ARMC9: variants seen among roughly 807,000 people sequenced by gnomAD.
The protein encoded by ARMC9 is armadillo repeat containing 9.
ARMC9 carries 94 observed loss-of-function variants against 107.0 expected under a neutral mutation model. The observed-to-expected ratio is 0.88, with a 90% CI of 0.74 to 1.04. The LOEUF (loss-of-function observed/expected upper bound fraction) is 1.04. ARMC9 is among the 50% of genes least tolerant of loss of function. The pLI, the probability that ARMC9 is intolerant of heterozygous loss-of-function variation, is 0.00. For missense variants in ARMC9, 942 were observed against 1,030.1 expected (o/e 0.91, Z 1.17); for synonymous variants, 380 against 396.9 (o/e 0.96, Z 0.51).
At chr2:231,317,488 A>AT (rs1407655977) in intron 19 of ARMC9, among the ~76,000 whole-genome samples, 1 of 151,296 alleles carries the variant, frequency 6.6e-6, no homozygotes, top group Non-Finnish European at 1.5e-5. Flanking sequence ...TCTTGGATCT[A>AT]TAAGTTACAG....
At chr2:231,244,098 G>GGA (rs2036545622) in intron 9 of ARMC9, among the ~76,000 whole-genome samples, 1 of 152,180 alleles carries the variant, frequency 6.6e-6, no homozygotes, top group South Asian at 2.1e-4. Flanking sequence ...ATTCTGTAAA[G>GGA]GAGCTTGGGC....
chr2:231,265,096 CA>C lies in ARMC9; in HGVS notation c.1119+2710del, dbSNP rs202052844. On this transcript the variant is annotated intron_variant, in intron 12 of 24. Transcript: ENST00000611582. ...CTGGCGACAGAGTGAGACTGCGTCT[CA>C]AAAAAAAAAAAGAAGAAGAAATGAG... 4.7e-3 allele frequency among the ~76,000 whole-genome samples: 655 copies of C among 139,998 alleles called. 6 individuals carry two copies. The highest frequency in any genetic ancestry group is 0.013 in the African/African-American group (498 of 38,664). 91.8% of individuals were successfully genotyped at this position (139,998 alleles called of 152,430 possible). A position where few individuals can be genotyped will look rare whatever the true frequency, so the allele number is the denominator to read the frequency against.
chr2:231,352,672 TA>T (rs2045143435), intron 21 of ARMC9, among the ~76,000 whole-genome samples: 1 of 138,498 alleles, frequency 7.2e-6, no homozygotes, highest in African/African-American at 3.1e-5. Flanking sequence ...GATAGATAGA[TA>T]GATAGATAGA....
chr2:231,315,833 A>G (rs1233828859), intron 19 of ARMC9, among the ~76,000 whole-genome samples: 2 of 152,100 alleles, frequency 1.3e-5, no homozygotes, highest in African/African-American at 2.4e-5. Context: ...CTTCTTTTGT[A>G]TTAAGTAATA....
chr2:231,247,516 A>T (rs1056663951), intron 9 of ARMC9, among the ~76,000 whole-genome samples: 3 of 152,156 alleles, frequency 2.0e-5, no homozygotes, highest in Non-Finnish European at 4.4e-5. Flanking sequence ...TGTCCAGGCC[A>T]TCTTCCTTGG....
intron 11 of ARMC9, 43 bp downstream of exon 11, chr2:231,259,145 G>A: frequency 6.6e-7 from 1 of 1,525,426 alleles, no homozygotes; most frequent in East Asian, 2.3e-5. Flanking sequence ...AACCAAACCA[G>A]TGCTGGTTTT....
chr2:231,357,448 G>A (rs1397268123), intron 22 of ARMC9, among the ~76,000 whole-genome samples: 2 of 152,178 alleles, frequency 1.3e-5, no homozygotes, highest in Non-Finnish European at 2.9e-5. Flanking sequence ...CCCAGGACAC[G>A]GACCCACGCA....
intron 9 of ARMC9, among the ~76,000 whole-genome samples, chr2:231,254,185 G>A (rs1330558148): frequency 6.6e-6 from 1 of 152,176 alleles, no homozygotes; most frequent in Non-Finnish European, 1.5e-5. Context: ...GAAAATGTTA[G>A]AAGAATTGAG....
intron 18 of ARMC9, among the ~76,000 whole-genome samples, chr2:231,293,363 A>G (rs895944336): frequency 7.2e-5 from 11 of 152,104 alleles, no homozygotes; most frequent in Non-Finnish European, 1.5e-5. Context: ...CGCCATAGTC[A>G]TCAGCTGTGC....
At chr2:231,361,721 T>C (rs2125594610) in intron 23 of ARMC9, among the ~76,000 whole-genome samples, 1 of 152,228 alleles carries the variant, frequency 6.6e-6, no homozygotes, top group Middle Eastern at 3.4e-3. Flanking sequence ...CCCTCACCAC[T>C]TCCTCCTGGC....
chr2:231,248,423 A>G (rs1003217320), intron 9 of ARMC9, among the ~76,000 whole-genome samples: 17 of 152,120 alleles, frequency 1.1e-4, no homozygotes, highest in African/African-American at 4.1e-4. Context: ...TCTTACAGGC[A>G]TCCGATCATA....
chr2:231,365,112 G>A (rs1049017080), intron 23 of ARMC9, among the ~76,000 whole-genome samples: 3 of 152,222 alleles, frequency 2.0e-5, no homozygotes, highest in Admixed American at 6.5e-5. Context: ...AGGAAATGGC[G>A]CTGGTCTGGC....
intron 9 of ARMC9, among the ~76,000 whole-genome samples, chr2:231,246,202 T>G (rs1041895217): frequency 6.6e-6 from 1 of 152,190 alleles, no homozygotes; most frequent in African/African-American, 2.4e-5. Flanking sequence ...CAAAACACTT[T>G]ATTTATTTGG....
intron 17 of ARMC9, among the ~76,000 whole-genome samples, chr2:231,284,786 G>T (rs561505935): frequency 2.9e-4 from 44 of 152,158 alleles, no homozygotes; most frequent in Non-Finnish European, 5.6e-4. Context: ...GCCACCTTGG[G>T]GCTGGCTGCC....
intron 19 of ARMC9, among the ~76,000 whole-genome samples, chr2:231,298,186 AT>A (rs1362308722): frequency 6.6e-6 from 1 of 152,228 alleles, no homozygotes; most frequent in Non-Finnish European, 1.5e-5. Context: ...TAGTTGGAAA[AT>A]TATAAGGAAA....
At chr2:231,272,187 G>GTT (rs56201225) in intron 13 of ARMC9, among the ~76,000 whole-genome samples, 1,785 of 99,450 alleles carry the variant, frequency 0.018, 42 homozygotes, top group African/African-American at 0.04. Flanking sequence ...TGTGTGTTTG[G>GTT]TTTTTTTTTT....
rs373513496 is a variant in ARMC9, at chr2:231,206,236, A to G, written c.-3A>G. ...GAGAATTAATTACCAGTAACAGTTCAATATGGGGGACATTCTGGCTCATGA... is the reference window on the plus strand; with the variant it reads ...GAGAATTAATTACCAGTAACAGTTCGATATGGGGGACATTCTGGCTCATGA... On this transcript the variant is annotated 5_prime_UTR_variant, in exon 2 of 25. Transcript: ENST00000611582. 69 of 1,613,354 alleles carry G rather than the reference A, an allele frequency of 4.3e-5. No individual in the cohort carries two copies. The highest frequency in any genetic ancestry group is 5.4e-5 in the Non-Finnish European group (64 of 1,179,446).
rs2038452364 is a variant in ARMC9, at chr2:231,262,396, C to G, written c.1117C>G (p.Gln373Glu). Residue 373 changes from glutamine (Q) to glutamate (E), a missense_variant and splice_region_variant, in exon 12 of 25, where the codon CAG becomes GAG. Transcript: ENST00000611582. ...NDLLDCYSHNQRSVLQLLHST... is the reference protein window; with the variant it reads ...NDLLDCYSHNERSVLQLLHST... ...CCTCTTGGACTGTTATAGCCACAAC[C>G]AGGTTGGTAAGAGGTGGGGCCAGAT... The G allele has an allele frequency of 2.5e-6, 4 of 1,613,836 alleles. No homozygotes were observed. In the South Asian group the frequency reaches 3.3e-5, roughly 13 times the overall value.
At chr2:231,235,099 A>G in intron 7 of ARMC9, 125 bp from the exon 8 acceptor site, 1 of 1,000,642 alleles carries the variant, frequency 1.0e-6, no homozygotes, top group Non-Finnish European at 1.4e-6. Flanking sequence ...AAACACAAGT[A>G]GTGTCCAGTT....
Sources: gnomAD v4.1 joint callset for allele counts (sites outside exome capture counted in the v4.1 genomes callset) on GRCh38, gnomAD v4.1.1 for gene constraint, MANE v1.5 for transcripts, NCBI Gene and HGNC (gene_info 2026-07-23, HGNC 2026-07-21) for gene names.